The following STAG2 variants were observed in gnomAD, a reference collection of about 807,000 sequenced individuals.
The protein encoded by STAG2 is STAG2 cohesin complex component, also known as cohesin subunit SA-2.
In STAG2, 14 loss-of-function variants were observed where a neutral mutation model predicts 108.1. The ratio of observed to expected loss-of-function variants is 0.13; its 90% CI spans 0.09 to 0.20. The LOEUF (loss-of-function observed/expected upper bound fraction) is 0.20, where lower values mean the gene tolerates loss of function less well. Ranked by LOEUF, STAG2 falls within the 10% of genes least tolerant of loss-of-function variation. The pLI is 1.00. For synonymous variants in STAG2, 307 were observed against 302.7 expected, an observed-to-expected ratio of 1.01 and a Z score of -0.15; for missense variants, 440 against 940.9, an observed-to-expected ratio of 0.47 and a Z score of 6.96.
chrX:123,967,678 A>T (rs1335755361), intron 1 of STAG2, among the ~76,000 whole-genome samples: 1 of 110,942 alleles, frequency 9.0e-6, no homozygotes, highest in African/African-American at 3.3e-5. Context: ...ACCTACACAC[A>T]CCTAGATGGA....
intron 15 of STAG2, among the ~76,000 whole-genome samples, chrX:124,058,619 G>C (rs2058289976): frequency 8.9e-6 from 1 of 112,329 alleles, no homozygotes; most frequent in Admixed American, 9.4e-5. Context: ...CTAGTAAAAA[G>C]ATGGGTAATA....
intron 2 of STAG2, among the ~76,000 whole-genome samples, chrX:124,021,831 C>G (rs771815022): frequency 2.4e-4 from 27 of 110,616 alleles, no homozygotes; most frequent in Non-Finnish European, 4.3e-4. Flanking sequence ...CTCCTTTTAA[C>G]TGTATGTGCA....
chrX:123,983,974 C>CTTTTTTTTTTTTTTTTTTTTTTTTT lies in STAG2; in HGVS notation c.-163+22139_-163+22140insTTTTTTTTTTTTTTTTTTTTTTTTT, dbSNP rs199881082. Reference sequence around the variant, plus strand: ...AAAAAGAATAATTTTCTTTTCTTTTCTTTTTTTTTTTTTTTTTTTTTGAGA... The same window carrying CTTTTTTTTTTTTTTTTTTTTTTTTT: ...AAAAAGAATAATTTTCTTTTCTTTTCTTTTTTTTTTTTTTTTTTTTTTTTTTTTTTTTTTTTTTTTTTTTTTGAGA... On this transcript the variant is annotated intron_variant, in intron 1 of 34. Coordinates refer to ENST00000371145, the MANE Select transcript of STAG2 (RefSeq NM_001042750.2). Among the ~76,000 whole-genome samples, 19 of 61,476 alleles carry CTTTTTTTTTTTTTTTTTTTTTTTTT rather than the reference C, an allele frequency of 3.1e-4. 2 individuals are homozygous for CTTTTTTTTTTTTTTTTTTTTTTTTT. The highest frequency in any genetic ancestry group is 1.6e-3 in the African/African-American group (17 of 10,952). 53.4% of individuals were successfully genotyped at this position (61,476 alleles called of 115,157 possible).
intron 32 of STAG2, among the ~76,000 whole-genome samples, chrX:124,092,558 G>A (rs755580976): frequency 1.8e-4 from 20 of 111,360 alleles, no homozygotes; most frequent in African/African-American, 5.9e-4. Flanking sequence ...TAACTCCCCC[G>A]CCTCCCGGCA....
chrX:123,984,317 T>C (rs1427684641), intron 1 of STAG2, among the ~76,000 whole-genome samples: 1 of 111,539 alleles, frequency 9.0e-6, no homozygotes, highest in Non-Finnish European at 1.9e-5. Context: ...GATTGACTTA[T>C]TTAGGAAGAT....
intron 15 of STAG2, among the ~76,000 whole-genome samples, chrX:124,060,171 C>G (rs1056636665): frequency 1.8e-5 from 2 of 111,839 alleles, no homozygotes; most frequent in Non-Finnish European, 3.8e-5. Context: ...CTCTATTGCC[C>G]AGGCTGGAGT....
At chrX:124,016,102 C>T (rs1026676288) in intron 1 of STAG2, among the ~76,000 whole-genome samples, 1 of 111,532 alleles carries the variant, frequency 9.0e-6, no homozygotes, top group Non-Finnish European at 1.9e-5. Context: ...ATTTTAGCAG[C>T]ATAGTTTTGT....
chrX:124,020,846 A>G (rs756305769), intron 1 of STAG2, among the ~76,000 whole-genome samples: 17 of 111,925 alleles, frequency 1.5e-4, no homozygotes, highest in African/African-American at 5.5e-4. Context: ...TAATTTTTGT[A>G]TTTTTAGTAG....
rs548122912 is a variant in STAG2, at chrX:124,017,224, T to A, written c.-162-4143T>A. On this transcript the variant is annotated intron_variant, in intron 1 of 34. Transcript: ENST00000371145. The stretch of plus-strand genomic sequence containing the variant: ...ATTGAATTAAATACCTTTTTTTTTT[T>A]ATGGAGATGGAGTCTCACTCTGTTG... Among the ~76,000 whole-genome samples the A allele has an allele frequency of 1.5e-4, 16 of 109,637 alleles. No individual in the cohort carries two copies. In the South Asian group the frequency reaches 4.8e-3, roughly 33 times the overall value.
chrX:124,095,085 G>C (rs1010898581), intron 33 of STAG2, among the ~76,000 whole-genome samples: 1 of 110,899 alleles, frequency 9.0e-6, no homozygotes, highest in African/African-American at 3.3e-5. Flanking sequence ...CCGCAACCAC[G>C]CCCGGATAAT....
At chrX:123,961,037 C>T (rs768350454), upstream of STAG2, 1 of 111,904 alleles carries the variant, frequency 8.9e-6, no homozygotes, top group Non-Finnish European at 1.9e-5. Context: ...CTTTCTTCGC[C>T]CCCATGGGGG....
intron 4 of STAG2, among the ~76,000 whole-genome samples, chrX:124,029,056 G>A (rs1476339024): frequency 3.0e-5 from 3 of 99,732 alleles, no homozygotes; most frequent in Non-Finnish European, 4.0e-5. Context: ...TTGCTCTGTC[G>A]CCCAGGCTGG....
intron 1 of STAG2, among the ~76,000 whole-genome samples, chrX:124,002,248 A>G (rs922156937): frequency 1.2e-4 from 13 of 111,303 alleles, no homozygotes; most frequent in African/African-American, 3.9e-4. Context: ...CCCCATCTCC[A>G]TTACCCTCAA....
Position 124,063,098 on chromosome X carries a change from G to T in STAG2, c.1732-18G>T. The T allele has an allele frequency of 8.4e-7, 1 of 1,188,320 alleles. No homozygotes were observed. Among genetic ancestry groups the T allele is most frequent in the Non-Finnish European group, 1.1e-6 (1 of 877,600 alleles). On this transcript the variant is annotated intron_variant, in intron 18 of 34. Transcript: ENST00000371145. ...TTTCTTATTGTGATATTTTTAACGTGATCTTTATATTTCACAGTACTCTGT... is the reference window on the plus strand; with the variant it reads ...TTTCTTATTGTGATATTTTTAACGTTATCTTTATATTTCACAGTACTCTGT...
chrX:124,004,299 T>C (rs771549751), intron 1 of STAG2, among the ~76,000 whole-genome samples: 1 of 111,600 alleles, frequency 9.0e-6, no homozygotes, highest in Non-Finnish European at 1.9e-5. Flanking sequence ...GGTGTACTGC[T>C]CTCCAGATCC....
chrX:124,076,610 T>C, intron 26 of STAG2, 139 bp downstream of exon 26: 1 of 572,564 alleles, frequency 1.7e-6, no homozygotes, highest in Non-Finnish European at 2.5e-6. Flanking sequence ...GTGTTTTCAA[T>C]ACATTTCCTT....
At chrX:124,091,052 C>A in intron 32 of STAG2, 88 bp downstream of exon 32, 1 of 724,643 alleles carries the variant, frequency 1.4e-6, no homozygotes, top group Non-Finnish European at 2.0e-6. Context: ...AAAATTTCAG[C>A]AAACTCTCTA....
At chrX:124,057,828 G>A in intron 14 of STAG2, 38 bp from the exon 15 acceptor site, 1 of 948,404 alleles carries the variant, frequency 1.1e-6, no homozygotes, top group Non-Finnish European at 1.4e-6. Context: ...ATTTTTTGTT[G>A]TTGTTGTCGT....
intron 14 of STAG2, among the ~76,000 whole-genome samples, chrX:124,057,555 A>G (rs1056562295): frequency 8.9e-6 from 1 of 112,508 alleles, no homozygotes; most frequent in Non-Finnish European, 1.9e-5. Context: ...AGCTTTGTCA[A>G]TGTACTACTT....
Sources: allele counts gnomAD v4.1 joint callset (sites outside exome capture counted in the v4.1 genomes callset), GRCh38; gene constraint gnomAD v4.1.1; transcripts MANE v1.5; gene names NCBI Gene and HGNC (gene_info 2026-07-23, HGNC 2026-07-21).